The following TBC1D8B variants were observed in gnomAD, a reference collection of about 807,000 sequenced individuals.
TBC1D8B encodes TBC1 domain family member 8B.
In TBC1D8B, 75 loss-of-function variants were observed where a neutral mutation model predicts 82.9. The observed-to-expected ratio is 0.90, with a 90% confidence interval of 0.75 to 1.10. TBC1D8B has a LOEUF of 1.10. TBC1D8B is among the 50% of genes least tolerant of loss of function. The probability of loss-of-function intolerance (pLI) is 0.00; values close to 1 mark genes in which losing one functional copy is unlikely to be tolerated. For synonymous variants in TBC1D8B, 276 were observed against 276.8 expected, an observed-to-expected ratio of 1.00 and a Z score of 0.03; for missense variants, 794 against 796.9, an observed-to-expected ratio of 1.00 and a Z score of 0.04.
chrX:106,842,703 T>C (rs763201443), intron 10 of TBC1D8B, among the ~76,000 whole-genome samples: 4 of 110,557 alleles, frequency 3.6e-5, no homozygotes, highest in South Asian at 3.9e-4. Flanking sequence ...ATCTATCTAA[T>C]GTTGATATAT....
chrX:106,854,304 T>C lies in TBC1D8B; in HGVS notation c.2352+8T>C. 9.0e-7 allele frequency: 1 copy of C among 1,116,401 alleles called. No homozygotes were observed. The highest frequency in any genetic ancestry group is 2.2e-5 in the South Asian group (1 of 46,350). 92.0% of individuals were successfully genotyped at this position (1,116,401 alleles called of 1,213,427 possible). A position where few individuals can be genotyped will look rare whatever the true frequency, so the allele number is the denominator to read the frequency against. On this transcript the variant is annotated splice_region_variant and intron_variant, in intron 14 of 20. Transcript: ENST00000357242. ...ACAACAAAACAGAATGTGGTAAGTA[T>C]GCAACCAATGAGGAAAAACCAGTTG...
At chrX:106,856,066 A>C (rs1259160083) in intron 14 of TBC1D8B, among the ~76,000 whole-genome samples, 2 of 112,192 alleles carry the variant, frequency 1.8e-5, no homozygotes, top group African/African-American at 6.5e-5. Context: ...CAAAATCTTC[A>C]ATTTGTGCCA....
intron 8 of TBC1D8B, 145 bp downstream of exon 8, chrX:106,839,602 T>C: frequency 2.0e-6 from 1 of 497,981 alleles, no homozygotes; most frequent in Non-Finnish European, 3.1e-6. Context: ...GTGTAACTTA[T>C]TTAGTTCCAC....
At chrX:106,855,258 A>T (rs774601148) in intron 14 of TBC1D8B, among the ~76,000 whole-genome samples, 8 of 112,572 alleles carry the variant, frequency 7.1e-5, no homozygotes, top group Non-Finnish European at 1.3e-4. Context: ...CATAGTTAGC[A>T]TAGGGCCCCT....
chrX:106,832,202 C>A (rs1447375951), intron 7 of TBC1D8B, among the ~76,000 whole-genome samples: 3 of 111,178 alleles, frequency 2.7e-5, no homozygotes, highest in Non-Finnish European at 5.7e-5. Flanking sequence ...GGAAATCTTT[C>A]CTGTGAGAAT....
Position 106,840,838 on chromosome X carries a change from T to A in TBC1D8B, c.1673T>A (p.Val558Glu), listed in dbSNP as rs769864967. The A allele has an allele frequency of 8.3e-7, 1 of 1,210,821 alleles. No individual in the cohort carries two copies. Among genetic ancestry groups the A allele is most frequent in the East Asian group, 3.0e-5 (1 of 33,797 alleles). ...SDTGISALRR[V>E]LTAYAYRNPK... ...ACTGGCATATCTGCTCTGAGAAGGG[T>A]ACTCACAGCTTATGCATACAGGAAT... Residue 558 changes from valine (V) to glutamate (E), a missense_variant, in exon 10 of 21, where the codon GTA becomes GAA. Physicochemically the swap from Val to Glu is moderately radical, Grantham distance 121 (BLOSUM62 -2). Transcript: ENST00000357242.
At chrX:106,849,838 A>C (rs375240800) in intron 11 of TBC1D8B, 187 bp from the exon 12 acceptor site, 79 of 1,027,097 alleles carry the variant, frequency 7.7e-5, no homozygotes, top group Middle Eastern at 7.6e-4. Flanking sequence ...AATGAATTTG[A>C]ATTGTGTTTC....
intron 10 of TBC1D8B, among the ~76,000 whole-genome samples, chrX:106,845,925 G>A (rs1416024562): frequency 1.8e-5 from 2 of 109,826 alleles, no homozygotes; most frequent in African/African-American, 3.3e-5. Context: ...AGACAGTCTT[G>A]TGAGAGGAGT....
intron 14 of TBC1D8B, among the ~76,000 whole-genome samples, chrX:106,863,895 G>A (rs922665380): frequency 1.1e-4 from 12 of 111,327 alleles, no homozygotes; most frequent in Non-Finnish European, 2.1e-4. Flanking sequence ...AGGTGGGGTC[G>A]TCCGCCCTGC....
Position 106,840,792 on chromosome X carries a change from C to A in TBC1D8B, c.1627C>A (p.His543Asn), listed in dbSNP as rs1450322943. The A allele has an allele frequency of 7.4e-6, 9 of 1,209,255 alleles. No individual in the cohort carries two copies. The highest frequency in any genetic ancestry group is 3.0e-5 in the East Asian group (1 of 33,741). The change falls in exon 10 of 21, where the codon CAC becomes AAC. Residue 543 changes from histidine (H) to asparagine (N), a missense_variant. His to Asn is a moderately conservative substitution (Grantham distance 68). Transcript: ENST00000357242. The stretch of plus-strand genomic sequence containing the variant: ...TGATTTACGTCGCTCTCTGCCTGAG[C>A]ACCCAGCCTTTCAGAGTGATACTGG... ...ERDLRRSLPE[H>N]PAFQSDTGIS...
intron 20 of TBC1D8B, among the ~76,000 whole-genome samples, chrX:106,872,223 C>A (rs945988772): frequency 4.7e-5 from 5 of 106,205 alleles, no homozygotes; most frequent in Non-Finnish European, 9.6e-5. Context: ...GCACTCCAGC[C>A]TGGGCGAGCT....
chrX:106,828,655 G>A (rs1180252242), intron 7 of TBC1D8B: 5 of 109,034 alleles, frequency 4.6e-5, no homozygotes, highest in Non-Finnish European at 7.6e-5. Flanking sequence ...ATCAATAAAT[G>A]TAATCCAGCA....
Position 106,876,109 on chromosome X carries a change from C to T in TBC1D8B, c.*2144C>T, listed in dbSNP as rs2147778700. The T allele has an allele frequency of 1.8e-5, 2 of 111,018 alleles. No homozygotes were observed. Among genetic ancestry groups the T allele is most frequent in the African/African-American group, 6.5e-5 (2 of 30,616 alleles). The allele number at this position is 111,018 out of a possible 1,213,427, so 9.1% of individuals were successfully genotyped here. On this transcript the variant is annotated 3_prime_UTR_variant, in exon 21 of 21. Transcript: ENST00000357242. ...TTAAATATGTTATAAGGTGGCTTTA[C>T]TTGTCTTTATAAAAATAAATATATC...
rs901214773 is a variant in TBC1D8B, at chrX:106,803,098, G to A, written c.130+115G>A. On this transcript the variant is annotated intron_variant, in intron 1 of 20. Coordinates refer to ENST00000357242, the MANE Select transcript of TBC1D8B (RefSeq NM_017752.3). The stretch of plus-strand genomic sequence containing the variant: ...TCCCGATCCTAAATCGTGGGCGGAG[G>A]GACTGGGGTTCTTCTCCCGACACCA... 8.9e-6 allele frequency: 8 copies of A among 896,260 alleles called. No individual in the cohort carries two copies. In the African/African-American group the frequency reaches 1.4e-4, roughly 16 times the overall value. 73.9% of individuals were successfully genotyped at this position (896,260 alleles called of 1,213,427 possible).
chrX:106,817,126 A>G (rs1931563630), intron 1 of TBC1D8B, among the ~76,000 whole-genome samples: 1 of 111,730 alleles, frequency 9.0e-6, no homozygotes. Context: ...CAGAGCTTCC[A>G]GAAAAGGAAG....
At chrX:106,834,512 C>T (rs62605969) in intron 7 of TBC1D8B, among the ~76,000 whole-genome samples, 18,558 of 110,573 alleles carry the variant, frequency 0.17, 1,386 homozygotes, top group Middle Eastern at 0.37. Context: ...TATTTCAAAA[C>T]ACACTCATGC....
chrX:106,845,882 T>A (rs1384813225), intron 10 of TBC1D8B, among the ~76,000 whole-genome samples: 1 of 110,361 alleles, frequency 9.1e-6, no homozygotes, highest in Admixed American at 9.7e-5. Flanking sequence ...AAAGGCTGTT[T>A]ACACCAGAGG....
At chrX:106,870,925 A>G (rs996199250) in intron 20 of TBC1D8B, 112 bp downstream of exon 20, 4 of 452,331 alleles carry the variant, frequency 8.8e-6, no homozygotes, top group African/African-American at 2.5e-5. Flanking sequence ...TAATCTATCT[A>G]TTAGCTCTCT....
intron 7 of TBC1D8B, among the ~76,000 whole-genome samples, chrX:106,833,412 T>C (rs1353271235): frequency 9.0e-6 from 1 of 111,530 alleles, no homozygotes; most frequent in Non-Finnish European, 1.9e-5. Flanking sequence ...GAGAGAAATA[T>C]AGATATTTAT....
Sources: gnomAD v4.1 joint callset for allele counts (sites outside exome capture counted in the v4.1 genomes callset) on GRCh38, gnomAD v4.1.1 for gene constraint, MANE v1.5 for transcripts, NCBI Gene and HGNC (gene_info 2026-07-23, HGNC 2026-07-21) for gene names.